NAA11: variants seen among roughly 807,000 people sequenced by gnomAD.
The protein encoded by NAA11 is N-alpha-acetyltransferase 11.
Under a neutral mutation model 16.1 loss-of-function variants are expected in NAA11, and 15 were observed. That is an observed-to-expected ratio of 0.93 (90% confidence interval 0.62 to 1.44). The LOEUF (loss-of-function observed/expected upper bound fraction) is 1.44, where lower values mean the gene tolerates loss of function less well. Among genes scored for constraint, NAA11 ranks in the 40% most tolerant of loss-of-function variants. The pLI is 0.00. For missense variants in NAA11, 298 were observed against 291.3 expected, an observed-to-expected ratio of 1.02 and a Z score of -0.17; for synonymous variants, 122 against 112.4, an observed-to-expected ratio of 1.09 and a Z score of -0.54.
In NAA11 at chr4:79,283,485, G is replaced by T. The variant is rs548959488; in HGVS notation, c.*122+10520C>A. On this transcript the variant is annotated intron_variant and NMD_transcript_variant, in intron 2 of 2. Coordinates refer to the NAA11 transcript ENST00000511542. ...AAAGGCAGAGATTACAGGTAGTGATGCAGGTAGATTGGTATATTTTGTGTT... is the reference window on the plus strand; with the variant it reads ...AAAGGCAGAGATTACAGGTAGTGATTCAGGTAGATTGGTATATTTTGTGTT... Among the ~76,000 whole-genome samples, 9 of 152,076 alleles carry T rather than the reference G, an allele frequency of 5.9e-5. No individual in the cohort carries two copies. The South Asian group carries it at 6.2e-4, about 10-fold the overall frequency.
the NAA11 span, among the ~76,000 whole-genome samples, chr4:79,166,536 C>A: frequency 6.8e-6 from 1 of 147,888 alleles, no homozygotes; most frequent in African/African-American, 2.5e-5. Flanking sequence ...TTTTTTGAGA[C>A]AGGCTGGTCT....
intron 2 of NAA11, among the ~76,000 whole-genome samples, chr4:79,280,811 G>A: frequency 6.6e-6 from 1 of 151,992 alleles, no homozygotes; most frequent in South Asian, 2.1e-4. Context: ...GGACTGAGTG[G>A]AAGTGTTCAT....
At chr4:79,258,574 A>G (rs1722176777) in intron 2 of NAA11, among the ~76,000 whole-genome samples, 2 of 152,302 alleles carry the variant, frequency 1.3e-5, no homozygotes, top group African/African-American at 4.8e-5. Flanking sequence ...AGGGAAGCTG[A>G]TGGAGGAACT....
downstream of NAA11, among the ~76,000 whole-genome samples, chr4:79,315,250 T>C (rs1486522504): frequency 1.3e-5 from 2 of 152,136 alleles, no homozygotes; most frequent in African/African-American, 4.8e-5. Flanking sequence ...TAGCTGCACA[T>C]AAAAAATAAA....
At chr4:79,268,704 A>T (rs1039552994) in intron 2 of NAA11, among the ~76,000 whole-genome samples, 3 of 150,764 alleles carry the variant, frequency 2.0e-5, no homozygotes, top group African/African-American at 7.3e-5. Flanking sequence ...GACACTTTGT[A>T]TTTTTTTTTA....
chr4:79,170,494 A>C, the NAA11 span, among the ~76,000 whole-genome samples: 1 of 152,082 alleles, frequency 6.6e-6, no homozygotes, highest in African/African-American at 2.4e-5. Flanking sequence ...ACAGTTAATC[A>C]AGTGTATGCC....
intron 1 of NAA11, among the ~76,000 whole-genome samples, chr4:79,298,213 C>T (rs1346919214): frequency 6.6e-6 from 1 of 152,238 alleles, no homozygotes; most frequent in Admixed American, 6.5e-5. Flanking sequence ...TGCCCAATAA[C>T]GCTCCTCTTC....
chr4:79,262,548 T>G (rs989393094), intron 2 of NAA11, among the ~76,000 whole-genome samples: 12 of 152,118 alleles, frequency 7.9e-5, no homozygotes, highest in Admixed American at 2.6e-4. Context: ...ATCTTCTTAT[T>G]CAGCAACAAG....
chr4:79,312,407 T>G (rs1560470201), downstream of NAA11, among the ~76,000 whole-genome samples: 1 of 152,022 alleles, frequency 6.6e-6, no homozygotes, highest in Non-Finnish European at 1.5e-5. Flanking sequence ...TCCCAGCACT[T>G]TGGGAGGCCA....
the NAA11 span, among the ~76,000 whole-genome samples, chr4:79,206,895 C>T: frequency 2.6e-5 from 4 of 152,076 alleles, no homozygotes; most frequent in Non-Finnish European, 5.9e-5. Flanking sequence ...AGTGCTATTT[C>T]TTTACAGCAT....
chr4:79,169,541 C>T, the NAA11 span, among the ~76,000 whole-genome samples: 1 of 152,150 alleles, frequency 6.6e-6, no homozygotes, highest in East Asian at 1.9e-4. Flanking sequence ...GTTGGTAAAA[C>T]TGGCTAGCCA....
At chr4:79,254,376 C>T (rs1417455477) in intron 2 of NAA11, among the ~76,000 whole-genome samples, 1 of 152,156 alleles carries the variant, frequency 6.6e-6, no homozygotes, top group Non-Finnish European at 1.5e-5. Flanking sequence ...ATTAAATTCT[C>T]ATTATAAGTT....
intron 2 of NAA11, among the ~76,000 whole-genome samples, chr4:79,286,882 T>A (rs911342687): frequency 6.6e-6 from 1 of 152,024 alleles, no homozygotes; most frequent in Non-Finnish European, 1.5e-5. Flanking sequence ...TGCCCATGAG[T>A]TCTTTACCCC....
intron 1 of NAA11, chr4:79,306,672 G>A (rs1041913418): frequency 6.6e-6 from 1 of 152,072 alleles, no homozygotes; most frequent in Non-Finnish European, 1.5e-5. Flanking sequence ...CATTGTGTCT[G>A]TTTCTTCCAT....
At chr4:79,178,174 G>A in the NAA11 span, among the ~76,000 whole-genome samples, 1 of 152,226 alleles carries the variant, frequency 6.6e-6, no homozygotes, top group East Asian at 1.9e-4. Flanking sequence ...TAGAGACAAA[G>A]TCTGTTTTAT....
chr4:79,321,982 T>C, intron 1 of NAA11, among the ~76,000 whole-genome samples: 1 of 152,218 alleles, frequency 6.6e-6, no homozygotes, highest in East Asian at 1.9e-4. Context: ...AATGATACCA[T>C]GGAGTAGGGT....
At chr4:79,179,252 G>A in the NAA11 span, among the ~76,000 whole-genome samples, 4 of 152,092 alleles carry the variant, frequency 2.6e-5, no homozygotes, top group Admixed American at 2.6e-4. Flanking sequence ...TACAGAAGTA[G>A]CAGTTATCTC....
At chr4:79,174,018 G>A in the NAA11 span, among the ~76,000 whole-genome samples, 1 of 151,982 alleles carries the variant, frequency 6.6e-6, no homozygotes, top group Non-Finnish European at 1.5e-5. Context: ...TCAGGGGGAG[G>A]GAGACTCCCC....
intron 1 of NAA11, among the ~76,000 whole-genome samples, chr4:79,302,789 T>G (rs1248967646): frequency 2.0e-5 from 3 of 151,972 alleles, no homozygotes; most frequent in Non-Finnish European, 4.4e-5. Context: ...GACTAGTATG[T>G]GTAATCCAAC....
Sources: gnomAD v4.1 joint callset for allele counts (sites outside exome capture counted in the v4.1 genomes callset) on GRCh38, gnomAD v4.1.1 for gene constraint, MANE v1.5 for transcripts, NCBI Gene and HGNC (gene_info 2026-07-23, HGNC 2026-07-21) for gene names.